The following PCLO variants were observed in gnomAD, a reference collection of about 807,000 sequenced individuals.
PCLO encodes protein piccolo.
Under a neutral mutation model 427.5 loss-of-function variants are expected in PCLO, and 82 were observed. The ratio of observed to expected loss-of-function variants is 0.19; its 90% CI spans 0.16 to 0.23. The LOEUF (loss-of-function observed/expected upper bound fraction) is 0.23. PCLO is among the 10% of genes least tolerant of loss of function. The pLI is 1.00. For synonymous variants in PCLO, 2,357 were observed against 2,155.4 expected (o/e 1.09, Z -2.59); for missense variants, 6,239 against 6,115.9 (o/e 1.02, Z -0.67).
At chr7:82,873,408 T>C (rs1362713935) in intron 10 of PCLO, among the ~76,000 whole-genome samples, 4 of 152,032 alleles carry the variant, frequency 2.6e-5, no homozygotes, top group African/African-American at 7.2e-5. Flanking sequence ...GAATAAGCTA[T>C]GTGAGTCTTA....
At chr7:83,054,073 TG>T (rs1424586985) in intron 3 of PCLO, among the ~76,000 whole-genome samples, 2 of 152,006 alleles carry the variant, frequency 1.3e-5, no homozygotes, top group Non-Finnish European at 2.9e-5. Context: ...ATCTGAACTT[TG>T]GTTCAAAAAT....
chr7:82,916,246 A>C lies in PCLO; in HGVS notation c.11740T>G (p.Leu3914Val). The C allele has an allele frequency of 6.2e-7, 1 of 1,613,668 alleles. No individual in the cohort carries two copies. The highest frequency in any genetic ancestry group is 8.5e-7 in the Non-Finnish European group (1 of 1,179,716). ...TAAGGTGAAACTTGCTGATGGTACA[A>C]AGTTTGTTGCTCAAAATGAGACTGT... ...TQQSHFEQQT[L>V]YHQQVSPYQT... Residue 3914 changes from leucine (L) to valine (V), a missense_variant, in exon 7 of 25, where the codon TTG (leucine) becomes GTG (valine). Physicochemically the swap from Leu to Val is conservative, Grantham distance 32. Coordinates refer to ENST00000333891, the MANE Select transcript of PCLO (RefSeq NM_033026.6).
chr7:82,951,766 T>G lies in PCLO; in HGVS notation c.9097+90A>C, dbSNP rs981839257. On this transcript the variant is annotated intron_variant, in intron 5 of 24. Transcript: ENST00000333891. ...AAAGAAAGAGAAAAAGTAACAAAAC[T>G]GGAAAAGAAGCCACATTTTCATCCT... 19 of 1,489,886 alleles carry G rather than the reference T, an allele frequency of 1.3e-5. No homozygotes were observed. The South Asian group carries it at 2.2e-4, about 17-fold the overall frequency. 92.3% of individuals were successfully genotyped at this position (1,489,886 alleles called of 1,614,324 possible).
At chr7:82,763,665 C>T (rs890256901) in intron 22 of PCLO, among the ~76,000 whole-genome samples, 3 of 152,024 alleles carry the variant, frequency 2.0e-5, no homozygotes, top group African/African-American at 7.2e-5. Context: ...ATATCTATAA[C>T]ATATCTCTCC....
In PCLO at chr7:82,838,293, G is replaced by A. The variant is rs1472279888; in HGVS notation, c.14147C>T (p.Ala4716Val). ...LGNLIIHILQ[A>V]RNLVPRDNNG... ...GTTGTCTCGAGGAACAAGATTTCTT[G>A]CTTGGAGAATATGTATTATGAGATT... The change falls in exon 15 of 25, where the codon GCA (alanine) becomes GTA (valine). Residue 4716 changes from alanine (A) to valine (V), a missense_variant. This residue lies in a region of PCLO where 877 missense variants were observed against 925.5 expected (regional missense o/e 0.95). Coordinates refer to ENST00000333891, the MANE Select transcript of PCLO (RefSeq NM_033026.6). 2 of 1,560,082 alleles carry A rather than the reference G, an allele frequency of 1.3e-6. No individual in the cohort carries two copies. The highest frequency in any genetic ancestry group is 2.3e-5 in the South Asian group (2 of 87,084).
chr7:82,812,485 A>T (rs1459225909), intron 20 of PCLO, among the ~76,000 whole-genome samples: 1 of 151,590 alleles, frequency 6.6e-6, no homozygotes, highest in Non-Finnish European at 1.5e-5. Context: ...GAAACCACTT[A>T]AAATATAGTT....
chr7:82,841,051 C>T (rs1792354045), intron 14 of PCLO, among the ~76,000 whole-genome samples: 1 of 151,538 alleles, frequency 6.6e-6, no homozygotes, highest in Non-Finnish European at 1.5e-5. Flanking sequence ...ATGAAAAATA[C>T]TTCTCTACAA....
intron 3 of PCLO, among the ~76,000 whole-genome samples, chr7:82,981,948 A>G (rs1796155433): frequency 6.6e-6 from 1 of 152,130 alleles, no homozygotes; most frequent in Non-Finnish European, 1.5e-5. Context: ...CTTAATACTT[A>G]TACCTACCTT....
At chr7:82,976,442 C>T (rs1275335594) in intron 3 of PCLO, among the ~76,000 whole-genome samples, 1 of 152,234 alleles carries the variant, frequency 6.6e-6, no homozygotes, top group South Asian at 2.1e-4. Context: ...TACCAAATCT[C>T]TTATTATATA....
chr7:82,958,392 C>G lies in PCLO; in HGVS notation c.4018-1457G>C, dbSNP rs540642051. Among the ~76,000 whole-genome samples the G allele has an allele frequency of 4.6e-5, 7 of 151,464 alleles. 1 individual carries two copies. The South Asian group carries it at 8.4e-4, about 18-fold the overall frequency. ...TCCCTCCCTCTCCCCATCCTTCCCTCCCTCCTTCTTTTCTTCTCCTTTTTC... is the reference window on the plus strand; with the variant it reads ...TCCCTCCCTCTCCCCATCCTTCCCTGCCTCCTTCTTTTCTTCTCCTTTTTC... On this transcript the variant is annotated intron_variant, in intron 4 of 24. Coordinates refer to ENST00000333891, the MANE Select transcript of PCLO (RefSeq NM_033026.6).
chr7:83,070,977 T>C (rs1789800906), intron 3 of PCLO, among the ~76,000 whole-genome samples: 1 of 152,144 alleles, frequency 6.6e-6, no homozygotes, highest in South Asian at 2.1e-4. Flanking sequence ...TCATTATTGC[T>C]GATATTTATG....
intron 4 of PCLO, 102 bp downstream of exon 4, chr7:82,965,669 G>T: frequency 1.4e-6 from 1 of 697,824 alleles, no homozygotes; most frequent in Non-Finnish European, 2.4e-6. Context: ...ATTGTTTGAG[G>T]AACTTCACTT....
rs1482156595 is a variant in PCLO, at chr7:82,951,462, A to G, written c.9126T>C (p.Thr3042=). Residue 3042 remains threonine, a synonymous_variant, in exon 6 of 25, where the codon ACT becomes ACC. Transcript: ENST00000333891. Reference sequence around the variant, plus strand: ...GTCGTGTTTCTGGATATGGACCTGTAGTCTTGCTTGAATAATCCATTACCT... The same window carrying G: ...GTCGTGTTTCTGGATATGGACCTGTGGTCTTGCTTGAATAATCCATTACCT... ...TGEVMDYSSK[T]TGPYPETRQV... is the part of the protein sequence containing the mutation. 1.9e-6 allele frequency: 3 copies of G among 1,578,792 alleles called. No individual in the cohort carries two copies. Among genetic ancestry groups the G allele is most frequent in the African/African-American group, 2.7e-5 (2 of 74,462 alleles).
At chr7:82,842,370 C>T (rs917250319) in intron 13 of PCLO, among the ~76,000 whole-genome samples, 34 of 152,000 alleles carry the variant, frequency 2.2e-4, no homozygotes, top group African/African-American at 7.2e-4. Flanking sequence ...CCTTATCTCA[C>T]ACCATATACA....
chr7:82,925,422 T>C (rs1338167478), intron 6 of PCLO, among the ~76,000 whole-genome samples: 6 of 152,110 alleles, frequency 3.9e-5, no homozygotes, highest in African/African-American at 1.4e-4. Context: ...TCCTTCCCTT[T>C]AAATAGACTG....
At chr7:83,080,235 C>A (rs1790063497) in intron 3 of PCLO, among the ~76,000 whole-genome samples, 1 of 152,108 alleles carries the variant, frequency 6.6e-6, no homozygotes, top group African/African-American at 2.4e-5. Context: ...GGGTATATAT[C>A]CAGTAATGGG....
Position 82,951,975 on chromosome 7 carries a change from G to C in PCLO, c.8978C>G (p.Ser2993Cys), listed in dbSNP as rs267601592. The C allele has an allele frequency of 1.2e-6, 2 of 1,613,752 alleles. No homozygotes were observed. Among genetic ancestry groups the C allele is most frequent in the Non-Finnish European group, 1.7e-6 (2 of 1,179,840 alleles). The part of the protein sequence containing the change: ...GYRGIGGMKP[S>C]MSDTNLAEAG... Reference sequence around the variant, plus strand: ...TTCTGCTAAATTTGTGTCAGACATGGAAGGCTTCATTCCCCCAATCCCTCT... The same window carrying C: ...TTCTGCTAAATTTGTGTCAGACATGCAAGGCTTCATTCCCCCAATCCCTCT... Residue 2993 changes from serine (S) to cysteine (C), a missense_variant, in exon 5 of 25, where the codon TCC (serine) becomes TGC (cysteine). Transcript: ENST00000333891.
At chr7:83,118,571 T>C (rs1359405907) in intron 3 of PCLO, among the ~76,000 whole-genome samples, 2 of 150,582 alleles carry the variant, frequency 1.3e-5, no homozygotes, top group Non-Finnish European at 3.0e-5. Context: ...TGTAGGACCC[T>C]GCATTGGAAC....
chr7:83,056,286 A>G (rs1368547106), intron 3 of PCLO, among the ~76,000 whole-genome samples: 2 of 152,202 alleles, frequency 1.3e-5, no homozygotes, highest in Non-Finnish European at 2.9e-5. Context: ...ACAAATACAT[A>G]GTGGACATGT....
Sources: gnomAD v4.1 joint callset for allele counts (sites outside exome capture counted in the v4.1 genomes callset) on GRCh38, gnomAD v4.1.1 for gene constraint, gnomAD v4.1.1 regional missense constraint, MANE v1.5 for transcripts, NCBI Gene and HGNC (gene_info 2026-07-23, HGNC 2026-07-21) for gene names.